Variants in DYNC2I2 observed in about 807,000 individuals in gnomAD.
DYNC2I2 encodes cytoplasmic dynein 2 intermediate chain 2.
Under a neutral mutation model 52.0 loss-of-function variants are expected in DYNC2I2, and 39 were observed. The observed-to-expected ratio is 0.75, with a 90% CI of 0.58 to 0.98. The LOEUF is 0.98. DYNC2I2 is among the 50% of genes least tolerant of loss of function. DYNC2I2 has a pLI of 0.00. For synonymous variants in DYNC2I2, 359 were observed against 321.1 expected (o/e 1.12, Z -1.26); for missense variants, 743 against 728.4 (o/e 1.02, Z -0.23).
chr9:128,660,321 A>G (rs1032114042), upstream of DYNC2I2, among the ~76,000 whole-genome samples: 2 of 150,382 alleles, frequency 1.3e-5, no homozygotes, highest in African/African-American at 4.8e-5. Flanking sequence ...CGTGTTAGCC[A>G]GAATGGTCCC....
chr9:128,658,142 A>G (rs1860870512), upstream of DYNC2I2, among the ~76,000 whole-genome samples: 1 of 151,848 alleles, frequency 6.6e-6, no homozygotes, highest in African/African-American at 2.4e-5. Context: ...ATTCTAAAAA[A>G]TGATCTGGGA....
Position 128,656,752 on chromosome 9 carries a change from G to A in DYNC2I2, c.-26C>T. On this transcript the variant is annotated 5_prime_UTR_variant, in exon 1 of 9. Transcript: ENST00000372715. ...GGAGACGGTTCCGCCCTCTCGTGCG[G>A]ACGCACTCAGGCGCGACCTCCGCCC... The A allele has an allele frequency of 2.2e-6, 3 of 1,342,078 alleles. No individual in the cohort carries two copies. The highest frequency in any genetic ancestry group is 3.7e-5 in the South Asian group (2 of 53,334). The allele number at this position is 1,342,078 out of a possible 1,614,324, so 83.1% of individuals were successfully genotyped here.
the DYNC2I2 span, among the ~76,000 whole-genome samples, chr9:128,667,260 T>A: frequency 8.5e-5 from 13 of 152,126 alleles, no homozygotes; most frequent in Non-Finnish European, 1.3e-4. Context: ...GCTACTAGGC[T>A]AAGGTGAGAG....
At chr9:128,634,039 C>G (rs1026071017) in intron 8 of DYNC2I2, 57 bp from the exon 9 acceptor site, 3 of 1,593,078 alleles carry the variant, frequency 1.9e-6, no homozygotes, top group Non-Finnish European at 2.6e-6. Flanking sequence ...AACCACATGG[C>G]AGGAGGAGGC....
the DYNC2I2 span, chr9:128,683,855 C>A: frequency 2.0e-6 from 3 of 1,503,870 alleles, no homozygotes; most frequent in South Asian, 2.4e-5. Context: ...TCCGGACGGG[C>A]GAGGAGACTC....
the DYNC2I2 span, among the ~76,000 whole-genome samples, chr9:128,664,941 T>C: frequency 6.6e-6 from 1 of 151,704 alleles, no homozygotes; most frequent in Admixed American, 6.6e-5. Context: ...CTGGGCAACA[T>C]AGCAAGATCC....
rs373865808 is a variant in DYNC2I2 at position 128,634,308 on chromosome 9, C to T, written c.1290G>A (p.Ser430=). 94 of 1,613,306 alleles carry T rather than the reference C, an allele frequency of 5.8e-5. No homozygotes were observed. The highest frequency in any genetic ancestry group is 7.0e-5 in the Non-Finnish European group (83 of 1,179,798). ...YSMLQAPPLT[S]LQLSLKYLFA... is the part of the protein sequence containing the mutation. ...ACAGATACTTGAGGGAGAGCTGCAG[C>T]GAAGTCAAGGGAGGGGCCTGCAGCA... The change falls in exon 8 of 9, where the codon TCG becomes TCA. Residue 430 remains serine (S), a synonymous_variant. Coordinates refer to ENST00000372715, the MANE Select transcript of DYNC2I2 (RefSeq NM_052844.4).
chr9:128,640,012 C>CTTTTT lies in DYNC2I2; in HGVS notation c.435+674_435+678dup, dbSNP rs71381781. On this transcript the variant is annotated intron_variant, in intron 2 of 8. Transcript: ENST00000372715. Reference sequence around the variant, plus strand: ...TGAAGAAGATACCACAGGAGACATTCTTTTTTTTTTTTTGAGACAGAGTCT... The same window carrying CTTTTT: ...TGAAGAAGATACCACAGGAGACATTCTTTTTTTTTTTTTTTTTTGAGACAGAGTCT... 2.9e-4 allele frequency among the ~76,000 whole-genome samples: 34 copies of CTTTTT among 118,870 alleles called. 13 individuals carry two copies. The highest frequency in any genetic ancestry group is 4.1e-4 in the Non-Finnish European group (25 of 61,600). 78.0% of individuals were successfully genotyped at this position (118,870 alleles called of 152,430 possible).
Position 128,640,801 on chromosome 9 carries a change from C to T in DYNC2I2, c.325G>A (p.Ala109Thr), listed in dbSNP as rs773435636. The T allele has an allele frequency of 1.4e-5, 22 of 1,614,068 alleles. No individual in the cohort carries two copies. The highest frequency in any genetic ancestry group is 3.3e-5 in the Admixed American group (2 of 60,002). The change falls in exon 2 of 9, where the codon GCA becomes ACA. Residue 109 changes from alanine to threonine, a missense_variant. Coordinates refer to ENST00000372715, the MANE Select transcript of DYNC2I2 (RefSeq NM_052844.4). ...GCCTCCACTCTCCGAAGAAAGGCTG[C>T]GAGCCTGGGTATGTCATACTGGGAC... The part of the protein sequence containing the change: ...PPSQYDIPRL[A>T]AFLRRVEAMV...
At position 128,640,903 on chromosome 9, in the gene DYNC2I2, C is replaced by CACTGG; in HGVS notation, c.218_222dup (p.Ala75ProfsTer51). On this transcript the variant is annotated frameshift_variant, in exon 2 of 9. Coordinates refer to ENST00000372715, the MANE Select transcript of DYNC2I2 (RefSeq NM_052844.4). LOFTEE classifies it high-confidence loss of function. ...ACATGATTCCTGGCCTGGGCGGATG[C>CACTGG]ACTGGCAGTGGCAATGCTGGCCGTC... is the stretch of plus-strand genomic sequence containing the variant. 1.2e-6 allele frequency: 2 copies of CACTGG among 1,605,864 alleles called. No individual in the cohort carries two copies. The highest frequency in any genetic ancestry group is 1.7e-6 in the Non-Finnish European group (2 of 1,174,930).
At chr9:128,645,143 G>A (rs1462079742) in intron 1 of DYNC2I2, among the ~76,000 whole-genome samples, 3 of 151,818 alleles carry the variant, frequency 2.0e-5, no homozygotes, top group East Asian at 3.9e-4. Context: ...CTGAGCTCAG[G>A]AGTTCAAGAC....
chr9:128,675,292 T>G, the DYNC2I2 span, among the ~76,000 whole-genome samples: 1 of 152,172 alleles, frequency 6.6e-6, no homozygotes, highest in South Asian at 2.1e-4. Flanking sequence ...ATTCTCCTGC[T>G]GCAGCCTCCC....
intron 1 of DYNC2I2, among the ~76,000 whole-genome samples, chr9:128,645,610 C>A (rs1860600805): frequency 9.9e-6 from 1 of 101,172 alleles, no homozygotes; most frequent in Non-Finnish European, 1.8e-5. Context: ...AAGTGAGACT[C>A]CATCTCAAAA....
At position 128,656,800 on chromosome 9, in the gene DYNC2I2, C is replaced by A. The variant is rs1860839180; in HGVS notation, c.-74G>T. On this transcript the variant is annotated 5_prime_UTR_variant, in exon 1 of 9. Coordinates refer to ENST00000372715, the MANE Select transcript of DYNC2I2 (RefSeq NM_052844.4). ...CCCCTACGCCGCCATGAGCGGAAAA[C>A]GGGGAATGTGAGGCTGACGGCGCCA... 7.7e-7 allele frequency: 1 copy of A among 1,302,356 alleles called. No homozygotes were observed. Among genetic ancestry groups the A allele is most frequent in the African/African-American group, 1.6e-5 (1 of 64,464 alleles). 80.7% of individuals were successfully genotyped at this position (1,302,356 alleles called of 1,614,324 possible). A position where few individuals can be genotyped will look rare whatever the true frequency, so the allele number is the denominator to read the frequency against.
chr9:128,656,643 G>A lies in DYNC2I2; in HGVS notation c.84C>T (p.Ser28=), dbSNP rs930865385. 4.0e-6 allele frequency: 6 copies of A among 1,503,748 alleles called. No individual in the cohort carries two copies. In the South Asian group the frequency reaches 6.2e-5, roughly 16 times the overall value. 93.2% of individuals were successfully genotyped at this position (1,503,748 alleles called of 1,614,324 possible). ...GCCCTGGCCGCCCCGGCCCCGGGCC[G>A]CTCGCAACCCCGACTGTCGCCAGCG... ...VAALATVGVA[S]GPGPGRPGPL... is the part of the protein sequence containing the mutation. Residue 28 remains serine (S), a synonymous_variant, in exon 1 of 9, where the codon AGC becomes AGT. Transcript: ENST00000372715.
At position 128,634,912 on chromosome 9, in the gene DYNC2I2, C is replaced by T. The variant is rs765921383; in HGVS notation, c.991G>A (p.Gly331Arg). The T allele has an allele frequency of 6.9e-5, 111 of 1,612,094 alleles. No homozygotes were observed. The highest frequency in any genetic ancestry group is 4.8e-4 in the Admixed American group (29 of 59,942). The change falls in exon 7 of 9, where the codon GGG becomes AGG. Residue 331 changes from glycine to arginine, a missense_variant. Physicochemically the swap from Gly to Arg is moderately radical, Grantham distance 125 (BLOSUM62 -2). Transcript: ENST00000372715. ...RSTKLKKHPR[G>R]ETEVGATAVA... ...GCCGTGGCGCCCACCTCGGTCTCCCCGCGGGGATGCTGTGGAGAAATGGCA... is the reference window on the plus strand; with the variant it reads ...GCCGTGGCGCCCACCTCGGTCTCCCTGCGGGGATGCTGTGGAGAAATGGCA...
chr9:128,662,727 C>T, the DYNC2I2 span, among the ~76,000 whole-genome samples: 2 of 152,148 alleles, frequency 1.3e-5, no homozygotes, highest in Admixed American at 1.3e-4. Flanking sequence ...TTACAGACAA[C>T]TGCCACCATG....
the DYNC2I2 span, among the ~76,000 whole-genome samples, chr9:128,674,259 C>T: frequency 8.3e-4 from 126 of 152,096 alleles, no homozygotes; most frequent in African/African-American, 3.0e-3. Flanking sequence ...CTCAGCCTCC[C>T]GAGTCACTGG....
At chr9:128,657,648 T>A (rs902748834), upstream of DYNC2I2, among the ~76,000 whole-genome samples, 5 of 151,126 alleles carry the variant, frequency 3.3e-5, no homozygotes, top group African/African-American at 1.2e-4. Flanking sequence ...ACAAAAAAAA[T>A]GTTTTAAAAC....
Sources: gnomAD v4.1 joint callset for allele counts (sites outside exome capture counted in the v4.1 genomes callset) on GRCh38, gnomAD v4.1.1 for gene constraint, MANE v1.5 for transcripts, NCBI Gene and HGNC (gene_info 2026-07-23, HGNC 2026-07-21) for gene names.